Variants in TUBG1 observed in about 807,000 individuals in gnomAD.
TUBG1 encodes tubulin gamma 1.
A neutral mutation model predicts 53.3 loss-of-function variants in TUBG1; 22 were observed. That is an observed-to-expected ratio of 0.41 (90% CI 0.29 to 0.59). The LOEUF (loss-of-function observed/expected upper bound fraction) is 0.59, where lower values mean the gene tolerates loss of function less well. TUBG1 is among the 20% of genes least tolerant of loss of function. The probability of loss-of-function intolerance (pLI) is 0.26; values close to 1 mark genes in which losing one functional copy is unlikely to be tolerated. For missense variants in TUBG1, 217 were observed against 598.9 expected (o/e 0.36, Z 6.66); for synonymous variants, 198 against 236.7 (o/e 0.84, Z 1.50).
Position 42,609,742 on chromosome 17 carries a change from C to G in TUBG1, c.5C>G (p.Pro2Arg). 6.4e-7 allele frequency: 1 copy of G among 1,550,760 alleles called. No homozygotes were observed. The highest frequency in any genetic ancestry group is 8.7e-7 in the Non-Finnish European group (1 of 1,146,590). M[P>R]REIITLQLGQ... is the part of the protein sequence containing the mutation. ...AACGCCGGTGCCTGAGGAGCGATGCCGAGGGAAATCATCACCCTACAGTTG... is the reference window on the plus strand; with the variant it reads ...AACGCCGGTGCCTGAGGAGCGATGCGGAGGGAAATCATCACCCTACAGTTG... The change falls in exon 1 of 11, where the codon CCG becomes CGG. Residue 2 changes from proline (P) to arginine (R), a missense_variant. By Grantham distance (103) the Pro-to-Arg change is moderately radical (BLOSUM62 -2). Around this residue, in one of 4 missense-constraint regions of TUBG1, gnomAD observed 57 missense variants for 169.3 expected, o/e 0.34. Coordinates refer to ENST00000251413, the MANE Select transcript of TUBG1 (RefSeq NM_001070.5).
intron 4 of TUBG1, 100 bp downstream of exon 4, chr17:42,612,243 T>C: frequency 7.3e-7 from 1 of 1,374,726 alleles, no homozygotes; most frequent in Non-Finnish European, 1.0e-6. Context: ...CATGTACCCT[T>C]TGCACTGGAC....
rs1322144716 is a variant in TUBG1, at chr17:42,613,929, C to T, written c.774C>T (p.Ala258=). 4 of 1,614,090 alleles carry T rather than the reference C, an allele frequency of 2.5e-6. No homozygotes were observed. Among genetic ancestry groups the T allele is most frequent in the Non-Finnish European group, 3.4e-6 (4 of 1,180,052 alleles). Residue 258 remains alanine, a synonymous_variant, in exon 8 of 11, where the codon GCC becomes GCT. Transcript: ENST00000251413. Reference sequence around the variant, plus strand: ...ACAATGACCTCATCGGCCTCATCGCCTCGCTCATTCCCACCCCACGGCTCC... The same window carrying T: ...ACAATGACCTCATCGGCCTCATCGCTTCGCTCATTCCCACCCCACGGCTCC... ...YMNNDLIGLI[A]SLIPTPRLHF...
chr17:42,615,092 G>A lies in TUBG1; in HGVS notation c.*51G>A, dbSNP rs374184969. 4.6e-5 allele frequency: 74 copies of A among 1,594,832 alleles called. No individual in the cohort carries two copies. The highest frequency in any genetic ancestry group is 5.7e-5 in the Non-Finnish European group (67 of 1,165,568). Reference sequence around the variant, plus strand: ...TGCCTTACTGGTTGGCCCAAGCCCTGCCTGACTGACCACCCCCTCAGAGCA... The same window carrying A: ...TGCCTTACTGGTTGGCCCAAGCCCTACCTGACTGACCACCCCCTCAGAGCA... On this transcript the variant is annotated 3_prime_UTR_variant, in exon 11 of 11. Coordinates refer to ENST00000251413, the MANE Select transcript of TUBG1 (RefSeq NM_001070.5).
In TUBG1 at chr17:42,610,705, C is replaced by G. The variant is rs79843583; in HGVS notation, c.330+115C>G. ...ATGTATGAATGCTGGAGGGAGAGACCTGGCTGCAGGGAGTGGACTATGTAA... is the reference window on the plus strand; with the variant it reads ...ATGTATGAATGCTGGAGGGAGAGACGTGGCTGCAGGGAGTGGACTATGTAA... On this transcript the variant is annotated intron_variant, in intron 3 of 10. Transcript: ENST00000251413. The G allele has an allele frequency of 2.8e-3, 4,099 of 1,482,046 alleles. 102 individuals are homozygous for G. The African/African-American group carries it at 0.05, about 18-fold the overall frequency. The allele number at this position is 1,482,046 out of a possible 1,614,324, so 91.8% of individuals were successfully genotyped here.
At chr17:42,613,538 T>A in intron 6 of TUBG1, 109 bp from the exon 7 acceptor site, 1 of 1,539,240 alleles carries the variant, frequency 6.5e-7, no homozygotes, top group Non-Finnish European at 8.9e-7. Flanking sequence ...TTCCAGTGAG[T>A]CTTTCTGGCC....
intron 6 of TUBG1, among the ~76,000 whole-genome samples, chr17:42,613,391 C>T (rs2052051129): frequency 6.6e-6 from 1 of 151,750 alleles, no homozygotes; most frequent in South Asian, 2.1e-4. Flanking sequence ...TGACTGCACT[C>T]CAGCCGGGGT....
In TUBG1 at chr17:42,610,089, G is replaced by T; in HGVS notation, c.50-19G>T. On this transcript the variant is annotated intron_variant, in intron 1 of 10. Transcript: ENST00000251413. ...GACCTAGATATCTTCTTTCTCCCCT[G>T]CCCGCCCCTTCCCCCCAGTTGGGTT... 2 of 1,613,824 alleles carry T rather than the reference G, an allele frequency of 1.2e-6. No homozygotes were observed. Among genetic ancestry groups the T allele is most frequent in the Non-Finnish European group, 1.7e-6 (2 of 1,179,796 alleles).
rs2052023946 is a variant in TUBG1, at chr17:42,610,569, C to G, written c.309C>G (p.Asn103Lys). The G allele has an allele frequency of 6.2e-7, 1 of 1,614,194 alleles. No homozygotes were observed. Among genetic ancestry groups the G allele is most frequent in the East Asian group, 2.2e-5 (1 of 44,892 alleles). ...LSEHGGGAGN[N>K]WASGFSQGEK... ...AACATGGAGGAGGAGCTGGCAACAACTGGGCCAGCGGATTCTCCCAGGTCG... is the reference window on the plus strand; with the variant it reads ...AACATGGAGGAGGAGCTGGCAACAAGTGGGCCAGCGGATTCTCCCAGGTCG... Residue 103 changes from asparagine to lysine, a missense_variant, in exon 3 of 11, where the codon AAC becomes AAG. Coordinates refer to ENST00000251413, the MANE Select transcript of TUBG1 (RefSeq NM_001070.5).
rs2052031984 is a variant in TUBG1 at position 42,611,278 on chromosome 17, TC to T, written c.330+689del. On this transcript the variant is annotated intron_variant, in intron 3 of 10. Transcript: ENST00000251413. ...AACCGCCATGCCCGGCCCTATAGTT[TC>T]TATCCAACTTACTGTCATTAGTGAT... 2.6e-5 allele frequency: 4 copies of T among 152,302 alleles called. No homozygotes were observed. In the South Asian group the frequency reaches 8.3e-4, roughly 32 times the overall value. The allele number at this position is 152,302 out of a possible 1,614,324, so 9.4% of individuals were successfully genotyped here.
rs1172195530 is a variant in TUBG1, at chr17:42,614,058, T to C, written c.843+60T>C. ...GCCCTGGGCCCAACAGGCCCTGTCC[T>C]AGCCTTTCTCTCTTCCCCACTGCCC... On this transcript the variant is annotated intron_variant, in intron 8 of 10. Coordinates refer to ENST00000251413, the MANE Select transcript of TUBG1 (RefSeq NM_001070.5). The surrounding 1 kb of genome is among the most constrained non-coding windows in gnomAD (Gnocchi z 5.1). 7.4e-6 allele frequency: 12 copies of C among 1,610,794 alleles called. 1 individual carries two copies. The highest frequency in any genetic ancestry group is 4.4e-5 in the South Asian group (4 of 90,838).
Position 42,609,702 on chromosome 17 carries a change from G to T in TUBG1, c.-36G>T. ...CGGGCTGGCGTGCGGCGCCGTTGCG[G>T]GCGGGAGCGGCTGCAACGCCGGTGC... On this transcript the variant is annotated 5_prime_UTR_variant, in exon 1 of 11. Transcript: ENST00000251413. 1 of 1,540,122 alleles carries T rather than the reference G, an allele frequency of 6.5e-7. No individual in the cohort carries two copies. Among genetic ancestry groups the T allele is most frequent in the Non-Finnish European group, 8.8e-7 (1 of 1,141,930 alleles).
chr17:42,613,654 T>C lies in TUBG1; in HGVS notation c.614T>C (p.Leu205Pro). 1.9e-6 allele frequency: 3 copies of C among 1,614,106 alleles called. No individual in the cohort carries two copies. Among genetic ancestry groups the C allele is most frequent in the Non-Finnish European group, 2.5e-6 (3 of 1,180,002 alleles). The change falls in exon 7 of 11, where the codon CTG becomes CCG. Residue 205 changes from leucine (L) to proline (P), a missense_variant. Around this residue, in one of 4 missense-constraint regions of TUBG1, gnomAD observed 135 missense variants for 371.2 expected, o/e 0.36. Coordinates refer to ENST00000251413, the MANE Select transcript of TUBG1 (RefSeq NM_001070.5). ...LTQNADCVVV[L>P]DNTALNRIAT... ...CCTCTTCTGTCCCCCCAGGTGGTGC[T>C]GGACAACACAGCCCTGAACCGGATT...
At position 42,610,536 on chromosome 17, in the gene TUBG1, C is replaced by T. The variant is rs773763752; in HGVS notation, c.276C>T (p.Tyr92=). ...YAKLYNPENI[Y]LSEHGGGAGN... ...AGCTCTACAACCCAGAGAACATCTACCTGTCGGAACATGGAGGAGGAGCTG... is the reference window on the plus strand; with the variant it reads ...AGCTCTACAACCCAGAGAACATCTATCTGTCGGAACATGGAGGAGGAGCTG... The change falls in exon 3 of 11, where the codon TAC becomes TAT. Residue 92 remains tyrosine (Y), a synonymous_variant. Transcript: ENST00000251413. 5 of 1,614,126 alleles carry T rather than the reference C, an allele frequency of 3.1e-6. No individual in the cohort carries two copies. The highest frequency in any genetic ancestry group is 2.2e-5 in the East Asian group (1 of 44,892).
At position 42,614,773 on chromosome 17, in the gene TUBG1, G is replaced by T. The variant is rs1452399280; in HGVS notation, c.1159-71G>T. ...TTTGCTGTGGGCATAGCCCAGCCTT[G>T]GTTCCCCAGCTTTCTGGGCCACGTT... On this transcript the variant is annotated intron_variant, in intron 10 of 10. Coordinates refer to ENST00000251413, the MANE Select transcript of TUBG1 (RefSeq NM_001070.5). This position sits in a 1 kb window ranked among gnomAD's most constrained non-coding sequence, Gnocchi z 5.1. The T allele has an allele frequency of 6.2e-7, 1 of 1,609,854 alleles. No individual in the cohort carries two copies. Among genetic ancestry groups the T allele is most frequent in the African/African-American group, 1.3e-5 (1 of 74,800 alleles).
chr17:42,610,925 A>G, intron 3 of TUBG1: 1 of 257,416 alleles, frequency 3.9e-6, no homozygotes, highest in East Asian at 7.7e-5. Context: ...AGCAAAAACA[A>G]ATTTCAATGA....
chr17:42,611,017 G>A (rs2052028337), intron 3 of TUBG1: 1 of 154,244 alleles, frequency 6.5e-6, no homozygotes, highest in African/African-American at 2.4e-5. Context: ...TGTCGCCCAG[G>A]CTGGAGTGCA....
Position 42,615,175 on chromosome 17 carries a change from A to C in TUBG1, c.*134A>C. 1 of 765,142 alleles carries C rather than the reference A, an allele frequency of 1.3e-6. No homozygotes were observed. Among genetic ancestry groups the C allele is most frequent in the Non-Finnish European group, 2.1e-6 (1 of 473,220 alleles). The allele number at this position is 765,142 out of a possible 1,614,324, so 47.4% of individuals were successfully genotyped here. ...ATACATGGACTCTCTGTTGGCCTGC[A>C]AACACATTTACTTCTCCTCTTATGA... On this transcript the variant is annotated 3_prime_UTR_variant, in exon 11 of 11. Coordinates refer to ENST00000251413, the MANE Select transcript of TUBG1 (RefSeq NM_001070.5).
Position 42,614,097 on chromosome 17 carries a change from T to C in TUBG1, c.843+99T>C. 3 of 1,594,150 alleles carry C rather than the reference T, an allele frequency of 1.9e-6. No homozygotes were observed. The highest frequency in any genetic ancestry group is 2.6e-6 in the Non-Finnish European group (3 of 1,169,228). On this transcript the variant is annotated intron_variant, in intron 8 of 10. Coordinates refer to ENST00000251413, the MANE Select transcript of TUBG1 (RefSeq NM_001070.5). The surrounding 1 kb of genome is among the most constrained non-coding windows in gnomAD (Gnocchi z 5.1). ...TCCCCACTGCCCCAGGAGCTACCCT[T>C]TGTGGACCCCAAGGCGCGGCGCTCA...
At position 42,613,974 on chromosome 17, in the gene TUBG1, C is replaced by T. The variant is rs753761239; in HGVS notation, c.819C>T (p.Tyr273=). 9 of 1,614,222 alleles carry T rather than the reference C, an allele frequency of 5.6e-6. No individual in the cohort carries two copies. The Admixed American group carries it at 8.3e-5, about 15-fold the overall frequency. ...GGCTCCACTTCCTCATGACCGGCTACACCCCTCTCACTACGGACCAGTCAG... is the reference window on the plus strand; with the variant it reads ...GGCTCCACTTCCTCATGACCGGCTATACCCCTCTCACTACGGACCAGTCAG... The part of the protein sequence containing the change: ...TPRLHFLMTG[Y]TPLTTDQSVA... Residue 273 remains tyrosine (Y), a synonymous_variant, in exon 8 of 11, where the codon TAC becomes TAT. Coordinates refer to ENST00000251413, the MANE Select transcript of TUBG1 (RefSeq NM_001070.5).
Sources: allele counts gnomAD v4.1 joint callset (sites outside exome capture counted in the v4.1 genomes callset), GRCh38; gene constraint gnomAD v4.1.1; regional missense constraint gnomAD v4.1.1; non-coding constraint Gnocchi (gnomAD v3.1); transcripts MANE v1.5; gene names NCBI Gene and HGNC (gene_info 2026-07-23, HGNC 2026-07-21).